The following ZFPM2 variants were observed in gnomAD, a reference collection of about 807,000 sequenced individuals.
ZFPM2 encodes zinc finger protein, FOG family member 2.
A neutral mutation model predicts 98.6 loss-of-function variants in ZFPM2; 20 were observed. The observed-to-expected ratio is 0.20, with a 90% CI of 0.14 to 0.29. The LOEUF is 0.29. ZFPM2 is among the 10% of genes least tolerant of loss of function. ZFPM2 has a pLI of 1.00. For synonymous variants in ZFPM2, 518 were observed against 502.7 expected, an observed-to-expected ratio of 1.03 and a Z score of -0.41; for missense variants, 1,310 against 1,388.6, an observed-to-expected ratio of 0.94 and a Z score of 0.90.
At chr8:105,506,775 CAGG>C (rs1390721716) in intron 3 of ZFPM2, among the ~76,000 whole-genome samples, 1 of 152,036 alleles carries the variant, frequency 6.6e-6, no homozygotes, top group Non-Finnish European at 1.5e-5. Flanking sequence ...ATCACGAGAT[CAGG>C]AGATCAAGAC....
chr8:105,603,439 G>T (rs1816134497), intron 4 of ZFPM2, among the ~76,000 whole-genome samples: 1 of 152,110 alleles, frequency 6.6e-6, no homozygotes, highest in South Asian at 2.1e-4. Flanking sequence ...CAAATGAATT[G>T]TAGTATGGAC....
chr8:105,793,720 C>G (rs1324511424), intron 6 of ZFPM2, among the ~76,000 whole-genome samples: 2 of 152,152 alleles, frequency 1.3e-5, no homozygotes, highest in African/African-American at 4.8e-5. Flanking sequence ...CTTTCAGATA[C>G]ACCAATCAGA....
intron 3 of ZFPM2, among the ~76,000 whole-genome samples, chr8:105,484,257 CTATT>C (rs1484083840): frequency 6.6e-6 from 1 of 151,994 alleles, no homozygotes; most frequent in Non-Finnish European, 1.5e-5. Flanking sequence ...GAGATATAAA[CTATT>C]CATTCTGCTC....
intron 1 of ZFPM2, among the ~76,000 whole-genome samples, chr8:105,376,201 C>T (rs530492465): frequency 6.6e-6 from 1 of 152,286 alleles, no homozygotes; most frequent in East Asian, 1.9e-4. Context: ...CTACTCCCTC[C>T]TTCTTGAAGC....
chr8:105,675,630 T>A (rs1051506627), intron 5 of ZFPM2, among the ~76,000 whole-genome samples: 2 of 152,124 alleles, frequency 1.3e-5, no homozygotes, highest in African/African-American at 4.8e-5. Flanking sequence ...CCTCAACCCT[T>A]GGGAATCTTC....
chr8:105,758,700 C>A (rs1246059726), intron 5 of ZFPM2, among the ~76,000 whole-genome samples: 3 of 152,028 alleles, frequency 2.0e-5, no homozygotes, highest in African/African-American at 7.2e-5. Flanking sequence ...AATAATTAGT[C>A]CAGCTTCCAC....
chr8:105,385,864 GCA>G (rs1363811299), intron 1 of ZFPM2, among the ~76,000 whole-genome samples: 4 of 152,074 alleles, frequency 2.6e-5, no homozygotes, highest in Non-Finnish European at 5.9e-5. Flanking sequence ...AGAAATGTTG[GCA>G]CATAGGGAAG....
chr8:105,645,526 A>AT lies in ZFPM2; in HGVS notation c.532+11173dup, dbSNP rs1428187678. On this transcript the variant is annotated intron_variant, in intron 5 of 7. Coordinates refer to ENST00000407775, the MANE Select transcript of ZFPM2 (RefSeq NM_012082.4). ...TGAGATACATGGATGTCTGCTTTTT[A>AT]TTTTAAGAGCAGGCCACTGTCAACT... Among the ~76,000 whole-genome samples, 3 of 152,226 alleles carry AT rather than the reference A, an allele frequency of 2.0e-5. No homozygotes were observed. In the East Asian group the frequency reaches 5.8e-4, roughly 29 times the overall value.
At chr8:105,586,379 A>C (rs904292144) in intron 4 of ZFPM2, among the ~76,000 whole-genome samples, 7 of 152,058 alleles carry the variant, frequency 4.6e-5, no homozygotes, top group African/African-American at 1.7e-4. Context: ...TTTTTAGAGA[A>C]GTACACGCAA....
At chr8:105,484,068 G>A (rs1813179254) in intron 3 of ZFPM2, among the ~76,000 whole-genome samples, 2 of 151,898 alleles carry the variant, frequency 1.3e-5, no homozygotes, top group East Asian at 1.9e-4. Flanking sequence ...TTTTTACTTT[G>A]ATGTTCTGCA....
At chr8:105,683,301 G>T (rs1810652419) in intron 5 of ZFPM2, among the ~76,000 whole-genome samples, 1 of 152,140 alleles carries the variant, frequency 6.6e-6, no homozygotes, top group African/African-American at 2.4e-5. Context: ...CAGAGGAGCA[G>T]TGGTTTTCTG....
At chr8:105,489,490 A>G (rs187072764) in intron 3 of ZFPM2, among the ~76,000 whole-genome samples, 5,816 of 132,214 alleles carry the variant, frequency 0.044, 499 homozygotes, top group African/African-American at 0.17. Flanking sequence ...TTGAGATGGA[A>G]TCTCACTTTG....
At chr8:105,702,404 G>T (rs1185239574) in intron 5 of ZFPM2, among the ~76,000 whole-genome samples, 1 of 152,208 alleles carries the variant, frequency 6.6e-6, no homozygotes, top group African/African-American at 2.4e-5. Flanking sequence ...ATCACAAATT[G>T]CTGTGTTGCA....
chr8:105,354,199 C>T (rs1207864579), intron 1 of ZFPM2, among the ~76,000 whole-genome samples: 28 of 152,078 alleles, frequency 1.8e-4, no homozygotes, highest in Non-Finnish European at 4.0e-4. Context: ...TCAAATATGC[C>T]GTATTGTAAC....
chr8:105,656,070 T>C (rs1817278727), intron 5 of ZFPM2, among the ~76,000 whole-genome samples: 1 of 152,148 alleles, frequency 6.6e-6, no homozygotes. Flanking sequence ...ATAATTCCTA[T>C]ACTCATGAGC....
At chr8:105,383,078 C>T (rs1179084926) in intron 1 of ZFPM2, among the ~76,000 whole-genome samples, 1 of 151,966 alleles carries the variant, frequency 6.6e-6, no homozygotes, top group Non-Finnish European at 1.5e-5. Flanking sequence ...CTAGAATAGT[C>T]AGGAAAAATA....
chr8:105,612,443 T>C (rs1308781467), intron 4 of ZFPM2, among the ~76,000 whole-genome samples: 1 of 152,152 alleles, frequency 6.6e-6, no homozygotes, highest in East Asian at 1.9e-4. Flanking sequence ...TGAGAAACCC[T>C]GGTAAAGGTG....
At chr8:105,456,601 C>G (rs946876137) in intron 3 of ZFPM2, among the ~76,000 whole-genome samples, 2 of 152,102 alleles carry the variant, frequency 1.3e-5, no homozygotes, top group African/African-American at 4.8e-5. Flanking sequence ...TTAAACTACT[C>G]TGAATCTACT....
chr8:105,492,162 T>G (rs1813368242), intron 3 of ZFPM2, among the ~76,000 whole-genome samples: 1 of 152,158 alleles, frequency 6.6e-6, no homozygotes, highest in Non-Finnish European at 1.5e-5. Context: ...CAAATATGTT[T>G]CTGTTTTACT....
Sources: allele counts gnomAD v4.1 joint callset (sites outside exome capture counted in the v4.1 genomes callset), GRCh38; gene constraint gnomAD v4.1.1; transcripts MANE v1.5; gene names NCBI Gene and HGNC (gene_info 2026-07-23, HGNC 2026-07-21).